Variants in SETD5 observed in about 807,000 individuals in gnomAD.
SETD5 encodes histone-lysine N-methyltransferase SETD5.
A neutral mutation model predicts 153.3 loss-of-function variants in SETD5; 44 were observed. That is an observed-to-expected ratio of 0.29 (90% confidence interval 0.23 to 0.37). The LOEUF (loss-of-function observed/expected upper bound fraction) is 0.37, where lower values mean the gene tolerates loss of function less well. SETD5 is among the 10% of genes least tolerant of loss of function. The pLI is 1.00. For missense variants in SETD5, 1,544 were observed against 1,768.0 expected (o/e 0.87, Z 2.27); for synonymous variants, 716 against 645.2 (o/e 1.11, Z -1.66).
rs186377100 is a variant in SETD5, at chr3:9,441,921, T to G, written c.959+180T>G. Among the ~76,000 whole-genome samples the G allele has an allele frequency of 2.6e-4, 40 of 152,334 alleles. 1 individual carries two copies. In the East Asian group the frequency reaches 7.7e-3, roughly 29 times the overall value. On this transcript the variant is annotated intron_variant, in intron 9 of 22. Coordinates refer to ENST00000402198, the MANE Select transcript of SETD5 (RefSeq NM_001080517.3). Reference sequence around the variant, plus strand: ...GTAAATCTTCAAATTGTTCAATGTATAAAATGGTGACACCTCCTTTCCAAG... The same window carrying G: ...GTAAATCTTCAAATTGTTCAATGTAGAAAATGGTGACACCTCCTTTCCAAG...
intron 17 of SETD5, among the ~76,000 whole-genome samples, chr3:9,462,345 T>C (rs1189097647): frequency 6.6e-6 from 1 of 151,940 alleles, no homozygotes; most frequent in African/African-American, 2.4e-5. Context: ...CCCAGCACTT[T>C]GGGAGGCCGA....
At chr3:9,468,096 G>A (rs978212400) in intron 18 of SETD5, among the ~76,000 whole-genome samples, 1 of 151,018 alleles carries the variant, frequency 6.6e-6, no homozygotes, top group African/African-American at 2.4e-5. Flanking sequence ...AATGTGACAA[G>A]CAGAAGAGGC....
At position 9,441,722 on chromosome 3, in the gene SETD5, A is replaced by G. The variant is rs1223682147; in HGVS notation, c.940A>G (p.Asn314Asp). 6.2e-7 allele frequency: 1 copy of G among 1,614,010 alleles called. No homozygotes were observed. Among genetic ancestry groups the G allele is most frequent in the Non-Finnish European group, 8.5e-7 (1 of 1,179,878 alleles). Reference protein sequence around the residue: ...KVMLRQQFEVNGHFFKKPYPF... With the variant: ...KVMLRQQFEVDGHFFKKPYPF... Reference sequence around the variant, plus strand: ...CATGTTACGACAGCAATTTGAGGTCAATGGGCATTTCTTCAAAAAGTAAGA... The same window carrying G: ...CATGTTACGACAGCAATTTGAGGTCGATGGGCATTTCTTCAAAAAGTAAGA... Residue 314 changes from asparagine (N) to aspartate (D), a missense_variant, in exon 9 of 23, where the codon AAT becomes GAT. By Grantham distance (23) the Asn-to-Asp change is conservative. Coordinates refer to ENST00000402198, the MANE Select transcript of SETD5 (RefSeq NM_001080517.3).
intron 2 of SETD5, 75 bp from the exon 3 acceptor site, chr3:9,428,748 C>T: frequency 2.4e-6 from 1 of 411,176 alleles, no homozygotes; most frequent in South Asian, 4.9e-5. Flanking sequence ...TATTCAGTAA[C>T]ATTTAAGATA....
rs1432231015 is a variant in SETD5, at chr3:9,445,962, G to GTTTTTTTTTTTTTTTTTTT, written c.1524+224_1524+225insTTTTTTTTTTTTTTTTTTT. ...TATTATCTAGTGATGGTTTGAAGAGGTTGTTTTTTTTTTTTTTTTTTTTTT... is the reference window on the plus strand; with the variant it reads ...TATTATCTAGTGATGGTTTGAAGAGGTTTTTTTTTTTTTTTTTTTTTGTTTTTTTTTTTTTTTTTTTTTT... On this transcript the variant is annotated intron_variant, in intron 13 of 22. Transcript: ENST00000402198. 1.7e-3 allele frequency among the ~76,000 whole-genome samples: 204 copies of GTTTTTTTTTTTTTTTTTTT among 120,210 alleles called. 15 individuals are homozygous for GTTTTTTTTTTTTTTTTTTT. The highest frequency in any genetic ancestry group is 4.3e-3 in the Middle Eastern group (1 of 234). The allele number at this position is 120,210 out of a possible 152,430, so 78.9% of individuals were successfully genotyped here.
rs1255511497 is a variant in SETD5, at chr3:9,476,539, G to A, written c.*448G>A. ...CAAAGCCCCAAGCCATCTGAGTACTGTTAGGGTTTTATGCACTTAAGAAAA... is the reference window on the plus strand; with the variant it reads ...CAAAGCCCCAAGCCATCTGAGTACTATTAGGGTTTTATGCACTTAAGAAAA... On this transcript the variant is annotated 3_prime_UTR_variant, in exon 23 of 23. Coordinates refer to ENST00000402198, the MANE Select transcript of SETD5 (RefSeq NM_001080517.3). 1 of 158,142 alleles carries A rather than the reference G, an allele frequency of 6.3e-6. No individual in the cohort carries two copies. The highest frequency in any genetic ancestry group is 2.4e-5 in the African/African-American group (1 of 41,370). The allele number at this position is 158,142 out of a possible 1,614,324, so 9.8% of individuals were successfully genotyped here.
intron 1 of SETD5, among the ~76,000 whole-genome samples, chr3:9,414,121 G>A (rs186731409): frequency 5.9e-5 from 9 of 152,256 alleles, no homozygotes; most frequent in Admixed American, 1.3e-4. Context: ...AGTTTTCTGA[G>A]GAATGAGTAT....
At position 9,435,728 on chromosome 3, in the gene SETD5, G is replaced by T; in HGVS notation, c.389G>T (p.Gly130Val). ...LHRRKQDNIS[G>V]GDSSATESWD... ...GAACTATGAAATCATCATTTTTCAGGTGGGGATAGCAGTGCAACAGAAAGC... is the reference window on the plus strand; with the variant it reads ...GAACTATGAAATCATCATTTTTCAGTTGGGGATAGCAGTGCAACAGAAAGC... The change falls in exon 7 of 23, where the codon GGT (glycine) becomes GTT (valine). Residue 130 changes from glycine (G) to valine (V), a missense_variant and splice_region_variant. By Grantham distance (109) the Gly-to-Val change is moderately radical (BLOSUM62 -3). Around this residue, in one of 9 missense-constraint regions of SETD5, gnomAD observed 251 missense variants for 326.9 expected, o/e 0.77. Transcript: ENST00000402198. 3.2e-6 allele frequency: 5 copies of T among 1,567,188 alleles called. No individual in the cohort carries two copies. Among genetic ancestry groups the T allele is most frequent in the Non-Finnish European group, 4.3e-6 (5 of 1,159,736 alleles).
Position 9,476,444 on chromosome 3 carries a change from A to G in SETD5, c.*353A>G. 1 of 177,208 alleles carries G rather than the reference A, an allele frequency of 5.6e-6. No homozygotes were observed. 11.0% of individuals were successfully genotyped at this position (177,208 alleles called of 1,614,324 possible). A position where few individuals can be genotyped will look rare whatever the true frequency, so the allele number is the denominator to read the frequency against. On this transcript the variant is annotated 3_prime_UTR_variant, in exon 23 of 23. Transcript: ENST00000402198. ...GCCCGTAGTCACTTGTGCAGTGAGG[A>G]CATCTTTTTAAATTTAAAAAAAAAA...
chr3:9,452,454 A>G (rs2042729320), intron 16 of SETD5, among the ~76,000 whole-genome samples: 1 of 152,146 alleles, frequency 6.6e-6, no homozygotes, highest in Non-Finnish European at 1.5e-5. Flanking sequence ...TGTATCTAAG[A>G]TAGTTCATTC....
intron 1 of SETD5, among the ~76,000 whole-genome samples, chr3:9,404,015 A>C (rs756425404): frequency 2.0e-5 from 3 of 152,246 alleles, no homozygotes; most frequent in African/African-American, 7.2e-5. Flanking sequence ...ATATATGACA[A>C]GGTTTTTCAA....
intron 16 of SETD5, among the ~76,000 whole-genome samples, chr3:9,452,278 T>C (rs2042704799): frequency 6.6e-6 from 1 of 152,212 alleles, no homozygotes; most frequent in South Asian, 2.1e-4. Flanking sequence ...TGTTTTCTGC[T>C]TTGAAAAGAA....
At chr3:9,439,791 C>A (rs939712973) in intron 7 of SETD5, among the ~76,000 whole-genome samples, 1 of 152,210 alleles carries the variant, frequency 6.6e-6, no homozygotes, top group Non-Finnish European at 1.5e-5. Context: ...CCCCTCACTT[C>A]ACCTCTTCAG....
chr3:9,444,793 C>T (rs1396024882), intron 11 of SETD5, among the ~76,000 whole-genome samples: 1 of 152,082 alleles, frequency 6.6e-6, no homozygotes, highest in Non-Finnish European at 1.5e-5. Context: ...AGGAGGATCA[C>T]TTGAGCCCAG....
rs1212598608 is a variant in SETD5, at chr3:9,430,293, C to T, written c.71+1284C>T. 4 of 983,662 alleles carry T rather than the reference C, an allele frequency of 4.1e-6. No homozygotes were observed. In the African/African-American group the frequency reaches 7.0e-5, roughly 17 times the overall value. 60.9% of individuals were successfully genotyped at this position (983,662 alleles called of 1,614,324 possible). On this transcript the variant is annotated intron_variant, in intron 3 of 22. Transcript: ENST00000402198. ...CTTAAAGAGGAAGACTTAAAGCTAC[C>T]CTGAGAAATAGTATATAATATTCTG...
rs1207972489 is a variant in SETD5 at position 9,475,838 on chromosome 3, A to T, written c.4076A>T (p.Asp1359Val). The change falls in exon 23 of 23, where the codon GAT (aspartate) becomes GTT (valine). Residue 1359 changes from aspartate to valine, a missense_variant. Coordinates refer to ENST00000402198, the MANE Select transcript of SETD5 (RefSeq NM_001080517.3). ...GGACCCTCAGACTCGCCAACCTCAG[A>T]TTCAGTTTCTCAGTCCAGCACAGGA... The part of the protein sequence containing the change: ...LQGPSDSPTS[D>V]SVSQSSTGTL... 3 of 1,613,972 alleles carry T rather than the reference A, an allele frequency of 1.9e-6. No individual in the cohort carries two copies. Among genetic ancestry groups the T allele is most frequent in the Non-Finnish European group, 2.5e-6 (3 of 1,179,876 alleles).
chr3:9,452,548 T>C (rs2042741573), intron 16 of SETD5, among the ~76,000 whole-genome samples: 2 of 152,006 alleles, frequency 1.3e-5, no homozygotes, highest in African/African-American at 2.4e-5. Flanking sequence ...AAATTACCAT[T>C]GAGAGCTCTT....
At chr3:9,404,643 C>A (rs376123953) in intron 1 of SETD5, among the ~76,000 whole-genome samples, 36 of 152,288 alleles carry the variant, frequency 2.4e-4, no homozygotes, top group African/African-American at 8.2e-4. Context: ...TCTGCATGTG[C>A]TATGACCCAC....
intron 17 of SETD5, among the ~76,000 whole-genome samples, chr3:9,462,981 G>T (rs2044158744): frequency 6.8e-6 from 1 of 148,128 alleles, no homozygotes. Flanking sequence ...CACCTTTCTT[G>T]ATCATGCTAA....
Sources: gnomAD v4.1 joint callset for allele counts (sites outside exome capture counted in the v4.1 genomes callset) on GRCh38, gnomAD v4.1.1 for gene constraint, gnomAD v4.1.1 regional missense constraint, MANE v1.5 for transcripts, NCBI Gene and HGNC (gene_info 2026-07-23, HGNC 2026-07-21) for gene names.